Variants in CIROZ observed in about 807,000 individuals in gnomAD.
CIROZ encodes the protein ciliated left-right organizer ZP-N domains-containing protein.
At chr1:10,960,245 A>T in the CIROZ span, among the ~76,000 whole-genome samples, 1 of 152,010 alleles carries the variant, frequency 6.6e-6, no homozygotes, top group Non-Finnish European at 1.5e-5. This position sits in a 1 kb window ranked among gnomAD's most constrained non-coding sequence, Gnocchi z 4.6. Flanking sequence ...AAAAATAAAA[A>T]ATAAAAAAAT....
the CIROZ span, among the ~76,000 whole-genome samples, chr1:10,980,514 G>T: frequency 6.6e-6 from 1 of 152,246 alleles, no homozygotes; most frequent in Non-Finnish European, 1.5e-5. Context: ...GGGGCAATTG[G>T]TCTTGAAGGA....
the CIROZ span, among the ~76,000 whole-genome samples, chr1:10,970,916 G>A: frequency 6.6e-6 from 1 of 150,458 alleles, no homozygotes; most frequent in African/African-American, 2.5e-5. Flanking sequence ...AGGCTGAGGA[G>A]AGCAGATTGC....
the CIROZ span, among the ~76,000 whole-genome samples, chr1:10,980,344 C>T: frequency 1.3e-5 from 2 of 152,358 alleles, no homozygotes; most frequent in Admixed American, 6.5e-5. Context: ...CCGCTTCATT[C>T]GCTGAATTCA....
At chr1:10,955,106 CAATGT>C in the CIROZ span, 1 of 1,614,040 alleles carries the variant, frequency 6.2e-7, no homozygotes, top group Admixed American at 1.7e-5. Flanking sequence ...AGGGTTTCCT[CAATGT>C]AGGAACCTCT....
At chr1:10,962,933 A>G in the CIROZ span, among the ~76,000 whole-genome samples, 1 of 152,208 alleles carries the variant, frequency 6.6e-6, no homozygotes, top group Non-Finnish European at 1.5e-5. Context: ...CAGCCTGGGC[A>G]ACACAGTGAG....
chr1:10,973,026 A>G, the CIROZ span, among the ~76,000 whole-genome samples: 1 of 152,128 alleles, frequency 6.6e-6, no homozygotes, highest in Non-Finnish European at 1.5e-5. Context: ...AACGTGATTA[A>G]TGCTGGTGGC....
the CIROZ span, chr1:10,949,633 T>C: frequency 1.7e-5 from 27 of 1,602,770 alleles, no homozygotes; most frequent in African/African-American, 6.7e-5. Context: ...CTTTGGCCAG[T>C]GCGTCGGAAG....
chr1:10,962,378 C>T, the CIROZ span, among the ~76,000 whole-genome samples: 3 of 152,080 alleles, frequency 2.0e-5, no homozygotes, highest in Non-Finnish European at 2.9e-5. Flanking sequence ...ACCCAGGAGG[C>T]GAAAGTTGCA....
chr1:10,969,955 C>T, the CIROZ span: 1 of 1,522,400 alleles, frequency 6.6e-7, no homozygotes, highest in Non-Finnish European at 8.8e-7. Context: ...CGCCCAGCCA[C>T]CGACCACCTC....
the CIROZ span, among the ~76,000 whole-genome samples, chr1:10,975,733 A>C: frequency 6.6e-6 from 1 of 152,042 alleles, no homozygotes; most frequent in African/African-American, 2.4e-5. Flanking sequence ...GGGGCTCTGG[A>C]GGGTGAAATC....
the CIROZ span, among the ~76,000 whole-genome samples, chr1:10,979,151 C>T: frequency 6.6e-6 from 1 of 152,076 alleles, no homozygotes; most frequent in Non-Finnish European, 1.5e-5. Flanking sequence ...GCCACCACGC[C>T]TGGCTAATTT....
At chr1:10,963,304 G>A in the CIROZ span, among the ~76,000 whole-genome samples, 1 of 151,840 alleles carries the variant, frequency 6.6e-6, no homozygotes, top group South Asian at 2.1e-4. Context: ...CAGGAGAATC[G>A]CTTGAACCCA....
the CIROZ span, among the ~76,000 whole-genome samples, chr1:10,979,520 A>G: frequency 6.6e-6 from 1 of 151,960 alleles, no homozygotes; most frequent in Non-Finnish European, 1.5e-5. Context: ...TGGTTCAACC[A>G]CTCTTGGGAA....
chr1:10,971,326 C>A, the CIROZ span, among the ~76,000 whole-genome samples: 1 of 151,260 alleles, frequency 6.6e-6, no homozygotes, highest in African/African-American at 2.4e-5. Context: ...CCAGTCCATT[C>A]TTGACACGGC....
At chr1:10,975,445 C>T in the CIROZ span, among the ~76,000 whole-genome samples, 32 of 148,796 alleles carry the variant, frequency 2.2e-4, no homozygotes, top group Non-Finnish European at 4.0e-4. Context: ...AAAAATTAGC[C>T]AGGTGTGGTG....
At chr1:10,971,268 T>C in the CIROZ span, among the ~76,000 whole-genome samples, 1 of 150,306 alleles carries the variant, frequency 6.7e-6, no homozygotes, top group African/African-American at 2.5e-5. Context: ...GGAGAGGCAG[T>C]GCGCAATGTC....
the CIROZ span, among the ~76,000 whole-genome samples, chr1:10,964,651 G>GAC: frequency 6.6e-6 from 1 of 152,222 alleles, no homozygotes; most frequent in Non-Finnish European, 1.5e-5. Flanking sequence ...TTGTTGTTGA[G>GAC]ACACAGTCTC....
chr1:10,948,511 C>T, the CIROZ span: 2 of 1,614,112 alleles, frequency 1.2e-6, no homozygotes, highest in Non-Finnish European at 1.7e-6. Flanking sequence ...CCTAGACCTT[C>T]AGTCAGGGTG....
chr1:10,953,250 T>C, the CIROZ span, among the ~76,000 whole-genome samples: 1 of 152,244 alleles, frequency 6.6e-6, no homozygotes, highest in Non-Finnish European at 1.5e-5. Flanking sequence ...CTGAGTTAAA[T>C]CTCCTTCGCG....
Sources: gnomAD v4.1 joint callset for allele counts (sites outside exome capture counted in the v4.1 genomes callset) on GRCh38, gnomAD v4.1.1 for gene constraint, Gnocchi (gnomAD v3.1) non-coding constraint, MANE v1.5 for transcripts, NCBI Gene and HGNC (gene_info 2026-07-23, HGNC 2026-07-21) for gene names.